Variants in SLCO4A1 observed in about 807,000 individuals in gnomAD.
SLCO4A1 encodes colon organic anion transporter.
A neutral mutation model predicts 64.6 loss-of-function variants in SLCO4A1; 51 were observed. The ratio of observed to expected loss-of-function variants is 0.79; its 90% CI spans 0.63 to 1.00. SLCO4A1 has a LOEUF of 1.00. Among genes scored for constraint, SLCO4A1 ranks in the 50% least tolerant of loss-of-function variants. SLCO4A1 has a pLI of 0.00. For missense variants in SLCO4A1, 919 were observed against 980.5 expected, an observed-to-expected ratio of 0.94 and a Z score of 0.84; for synonymous variants, 471 against 444.9, an observed-to-expected ratio of 1.06 and a Z score of -0.74.
In SLCO4A1 at chr20:62,671,721, C is replaced by G. The variant is rs1415276553; in HGVS notation, c.2026-29C>G. 1.9e-6 allele frequency: 3 copies of G among 1,603,164 alleles called. No homozygotes were observed. In the African/African-American group the frequency reaches 4.0e-5, roughly 21 times the overall value. ...CCAAAGGCTCTGGCCGAGCTCCCCACGAGGTCCAGCGGGCTCCTCTCTCCC... is the reference window on the plus strand; with the variant it reads ...CCAAAGGCTCTGGCCGAGCTCCCCAGGAGGTCCAGCGGGCTCCTCTCTCCC... On this transcript the variant is annotated intron_variant, in intron 11 of 11. Coordinates refer to ENST00000217159, the MANE Select transcript of SLCO4A1 (RefSeq NM_016354.4).
rs1242430340 is a variant in SLCO4A1 at position 62,685,250 on chromosome 20, AG to A, written n.212-185del. Among the ~76,000 whole-genome samples the A allele has an allele frequency of 1.9e-4, 1 of 5,156 alleles. No homozygotes were observed. Among genetic ancestry groups the A allele is most frequent in the African/African-American group, 7.5e-4 (1 of 1,332 alleles). The allele number at this position is 5,156 out of a possible 152,430, so 3.4% of individuals were successfully genotyped here. ...GGCAGCGGGGTGTGGGGGCAGGAGG[AG>A]GGGGGTGGTGGGGAGTGGGGGCTGG... On this transcript the variant is annotated intron_variant and non_coding_transcript_variant, in intron 2 of 2. Coordinates refer to the SLCO4A1 transcript ENST00000466818. The surrounding 1 kb of genome is among the most constrained non-coding windows in gnomAD (Gnocchi z 4.6).
chr20:62,677,104 C>G (rs890175053), downstream of SLCO4A1, among the ~76,000 whole-genome samples: 1 of 152,216 alleles, frequency 6.6e-6, no homozygotes, highest in Admixed American at 6.5e-5. Flanking sequence ...TCTGTAGAGA[C>G]AGAAAATGGA....
chr20:62,677,876 G>A (rs1987665809), intron 2 of SLCO4A1, among the ~76,000 whole-genome samples: 1 of 152,236 alleles, frequency 6.6e-6, no homozygotes. Flanking sequence ...CGTGATGGGG[G>A]TGCCGTCTTG....
chr20:62,685,655 C>T lies in SLCO4A1; in HGVS notation n.426C>T, dbSNP rs7271153. 869 of 159,654 alleles carry T rather than the reference C, an allele frequency of 5.4e-3. 8 individuals carry two copies. Among genetic ancestry groups the T allele is most frequent in the African/African-American group, 0.02 (815 of 41,612 alleles). 9.9% of individuals were successfully genotyped at this position (159,654 alleles called of 1,614,324 possible). A position where few individuals can be genotyped will look rare whatever the true frequency, so the allele number is the denominator to read the frequency against. On this transcript the variant is annotated non_coding_transcript_exon_variant, in exon 3 of 3. Coordinates refer to the SLCO4A1 transcript ENST00000466818. The surrounding 1 kb of genome is among the most constrained non-coding windows in gnomAD (Gnocchi z 4.6). ...ATGCCCAGGGCACGAAAGAGGTGGA[C>T]GAAACAACGGAAGTGGAGGGGGTGG...
In SLCO4A1 at chr20:62,666,621, C is replaced by A; in HGVS notation, c.1472+46C>A. ...GGGTACGCGTCGGGGCCCCAAGCAC[C>A]CGCGGTCCCTGGGCATGGAGGAGGA... On this transcript the variant is annotated intron_variant, in intron 7 of 11. Coordinates refer to ENST00000217159, the MANE Select transcript of SLCO4A1 (RefSeq NM_016354.4). 3 of 1,534,530 alleles carry A rather than the reference C, an allele frequency of 2.0e-6. No individual in the cohort carries two copies. The South Asian group carries it at 3.4e-5, about 17-fold the overall frequency.
In SLCO4A1 at chr20:62,656,635, C is replaced by T. The variant is rs1983765601; in HGVS notation, c.181C>T (p.Gln61Ter). 2 of 1,601,590 alleles carry T rather than the reference C, an allele frequency of 1.2e-6. No individual in the cohort carries two copies. The highest frequency in any genetic ancestry group is 1.7e-6 in the Non-Finnish European group (2 of 1,175,152). The change falls in exon 2 of 12, where the codon CAG becomes TAG. Residue 61 changes from glutamine (Q) to a stop codon, truncating the protein, a stop_gained. Coordinates refer to ENST00000217159, the MANE Select transcript of SLCO4A1 (RefSeq NM_016354.4). LOFTEE classifies it high-confidence loss of function. ...GGACACCAGCAAGCAGCCCCTCTGC[C>T]AGCTCTGGGCCGAGAAGCATGGCGC... ...PLDTSKQPLC[Q>*]LWAEKHGARG...
At chr20:62,660,966 C>T (rs1000382399) in intron 4 of SLCO4A1, 98 bp from the exon 5 acceptor site, 22 of 823,310 alleles carry the variant, frequency 2.7e-5, no homozygotes, top group African/African-American at 1.5e-4. Flanking sequence ...GTTCCCAGAC[C>T]GGGGAGGGGC....
intron 2 of SLCO4A1, among the ~76,000 whole-genome samples, chr20:62,680,440 G>A (rs143172429): frequency 1.5e-3 from 232 of 152,268 alleles, no homozygotes; most frequent in Middle Eastern, 0.014. Context: ...CCTGTTCCTC[G>A]CCTTAGGAGA....
rs1356263762 is a variant in SLCO4A1, at chr20:62,664,917, C to A, written c.1122-17C>A. On this transcript the variant is annotated splice_polypyrimidine_tract_variant and intron_variant, in intron 5 of 11. Transcript: ENST00000217159. ...TCTGACCCTCAGTCTCTTCTCCACA[C>A]CCCCACCTCTGCCCAGCTCCATCTG... The A allele has an allele frequency of 1.9e-6, 3 of 1,584,214 alleles. No homozygotes were observed. The highest frequency in any genetic ancestry group is 2.6e-6 in the Non-Finnish European group (3 of 1,166,192).
chr20:62,660,119 C>T (rs912888573), intron 3 of SLCO4A1, among the ~76,000 whole-genome samples: 7 of 152,206 alleles, frequency 4.6e-5, no homozygotes, highest in African/African-American at 1.4e-4. Context: ...TCTTAGTGCC[C>T]AACCCCACCG....
chr20:62,689,975 C>A (rs1988177535), downstream of SLCO4A1, among the ~76,000 whole-genome samples: 1 of 152,242 alleles, frequency 6.6e-6, no homozygotes, highest in African/African-American at 2.4e-5. Flanking sequence ...ACGCCTGCAG[C>A]CAGCGCCTGC....
At position 62,668,910 on chromosome 20, in the gene SLCO4A1, G is replaced by A; in HGVS notation, c.1877-20G>A. 1.3e-6 allele frequency: 2 copies of A among 1,598,062 alleles called. No individual in the cohort carries two copies. Among genetic ancestry groups the A allele is most frequent in the Non-Finnish European group, 1.7e-6 (2 of 1,178,384 alleles). On this transcript the variant is annotated intron_variant, in intron 10 of 11. Coordinates refer to ENST00000217159, the MANE Select transcript of SLCO4A1 (RefSeq NM_016354.4). ...CCTACCCACCAGGAGTGTGGGTGCT[G>A]AGTGGGCTTCTCTCCGCAGGGGGCA...
Position 62,661,397 on chromosome 20 carries a change from G to C in SLCO4A1, c.1121+222G>C, listed in dbSNP as rs977672798. Among the ~76,000 whole-genome samples the C allele has an allele frequency of 2.0e-5, 3 of 152,122 alleles. No individual in the cohort carries two copies. Among genetic ancestry groups the C allele is most frequent in the Non-Finnish European group, 4.4e-5 (3 of 67,990 alleles). ...CAGAGCCGTGGGAGAGTCCCAGAGT[G>C]GGGCCGGGGCCTCGGCCCGCACCCA... On this transcript the variant is annotated intron_variant, in intron 5 of 11. Coordinates refer to ENST00000217159, the MANE Select transcript of SLCO4A1 (RefSeq NM_016354.4). This position sits in a 1 kb window ranked among gnomAD's most constrained non-coding sequence, Gnocchi z 5.2.
chr20:62,666,445 A>AGGCTCCGG lies in SLCO4A1; in HGVS notation c.1350_1357dup (p.Ala453GlyfsTer49). On this transcript the variant is annotated frameshift_variant, in exon 7 of 12. Transcript: ENST00000217159. LOFTEE classifies it high-confidence loss of function. ...GGGCGGCTTCTTTGTGAACAAGCTC[A>AGGCTCCGG]GGCTCCGGGGCTCCGCGGTCATCAA... is the stretch of plus-strand genomic sequence containing the variant. 6.2e-7 allele frequency: 1 copy of AGGCTCCGG among 1,613,264 alleles called. No individual in the cohort carries two copies. The highest frequency in any genetic ancestry group is 8.5e-7 in the Non-Finnish European group (1 of 1,179,852).
Position 62,666,452 on chromosome 20 carries a change from G to C in SLCO4A1, c.1349G>C (p.Arg450Pro). ...GGFFVNKLRL[R>P]GSAVIKFCLF... Reference sequence around the variant, plus strand: ...TTCTTTGTGAACAAGCTCAGGCTCCGGGGCTCCGCGGTCATCAAGTTCTGC... The same window carrying C: ...TTCTTTGTGAACAAGCTCAGGCTCCCGGGCTCCGCGGTCATCAAGTTCTGC... Residue 450 changes from arginine (R) to proline (P), a missense_variant, in exon 7 of 12, where the codon CGG (arginine) becomes CCG (proline). Physicochemically the swap from Arg to Pro is moderately radical, Grantham distance 103. Transcript: ENST00000217159. 1 of 1,613,398 alleles carries C rather than the reference G, an allele frequency of 6.2e-7. No homozygotes were observed. The highest frequency in any genetic ancestry group is 8.5e-7 in the Non-Finnish European group (1 of 1,179,964).
At chr20:62,680,158 A>C (rs963971133) in intron 2 of SLCO4A1, among the ~76,000 whole-genome samples, 3 of 152,200 alleles carry the variant, frequency 2.0e-5, no homozygotes, top group African/African-American at 7.2e-5. Context: ...GCTGTATTTG[A>C]AATTTCATTT....
intron 9 of SLCO4A1, 43 bp downstream of exon 9, chr20:62,668,227 C>A: frequency 6.2e-7 from 1 of 1,604,602 alleles, no homozygotes; most frequent in South Asian, 1.1e-5. Flanking sequence ...GCTTTCCTTG[C>A]AGCACCCTGA....
Position 62,668,022 on chromosome 20 carries a change from A to G in SLCO4A1, c.1649A>G (p.Asp550Gly). 6.2e-7 allele frequency: 1 copy of G among 1,613,986 alleles called. No homozygotes were observed. The highest frequency in any genetic ancestry group is 8.5e-7 in the Non-Finnish European group (1 of 1,180,026). ...TGTTGGGCTTCCCAGGTGTACCGAGACTGTAGCTGTATCCCTCAGAATCTT... is the reference window on the plus strand; with the variant it reads ...TGTTGGGCTTCCCAGGTGTACCGAGGCTGTAGCTGTATCCCTCAGAATCTT... ...TNVDGQKVYR[D>G]CSCIPQNLSS... The change falls in exon 9 of 12, where the codon GAC (aspartate) becomes GGC (glycine). Residue 550 changes from aspartate to glycine, a missense_variant. Asp to Gly is a moderately conservative substitution (Grantham distance 94). Transcript: ENST00000217159.
intron 3 of SLCO4A1, among the ~76,000 whole-genome samples, chr20:62,659,328 T>C (rs1258433795): frequency 6.6e-6 from 1 of 151,636 alleles, no homozygotes; most frequent in African/African-American, 2.4e-5. Context: ...GCTCTGTGGG[T>C]TTGGGCCCCC....
Sources: gnomAD v4.1 joint callset for allele counts (sites outside exome capture counted in the v4.1 genomes callset) on GRCh38, gnomAD v4.1.1 for gene constraint, Gnocchi (gnomAD v3.1) non-coding constraint, MANE v1.5 for transcripts, NCBI Gene and HGNC (gene_info 2026-07-23, HGNC 2026-07-21) for gene names.